Variants in LRRC37A2 observed in about 807,000 individuals in gnomAD.
The protein encoded by LRRC37A2 is leucine rich repeat containing 37 member A2.
Under a neutral mutation model 68.8 loss-of-function variants are expected in LRRC37A2, and 9 were observed. That is an observed-to-expected ratio of 0.13 (90% confidence interval 0.08 to 0.23). LRRC37A2 has a LOEUF of 0.23. Ranked by LOEUF, LRRC37A2 falls within the 10% of genes least tolerant of loss-of-function variation. The probability of loss-of-function intolerance (pLI) is 1.00; values close to 1 mark genes in which losing one functional copy is unlikely to be tolerated. For missense variants in LRRC37A2, 168 were observed against 950.4 expected (o/e 0.18, Z 10.82); for synonymous variants, 63 against 367.6 (o/e 0.17, Z 9.48).
chr17:46,741,381 G>A, the LRRC37A2 span, among the ~76,000 whole-genome samples: 18 of 152,130 alleles, frequency 1.2e-4, no homozygotes, highest in East Asian at 3.9e-4. Flanking sequence ...TCAGTTTCTC[G>A]TTTCATATTC....
chr17:46,933,121 A>G, the LRRC37A2 span: 1 of 152,224 alleles, frequency 6.6e-6, no homozygotes, highest in South Asian at 2.1e-4. Context: ...ACACTAAAAG[A>G]TGTTTGGATT....
chr17:46,851,129 C>T, the LRRC37A2 span, among the ~76,000 whole-genome samples: 1 of 152,176 alleles, frequency 6.6e-6, no homozygotes, highest in African/African-American at 2.4e-5. The surrounding 1 kb of genome is among the most constrained non-coding windows in gnomAD (Gnocchi z 4.3). Context: ...GCGAAGAGAC[C>T]GCACTTGCCC....
chr17:47,026,899 G>A, the LRRC37A2 span, among the ~76,000 whole-genome samples: 1 of 132,456 alleles, frequency 7.5e-6, no homozygotes, highest in Non-Finnish European at 1.6e-5. Flanking sequence ...GTGTAGAAAT[G>A]TGAGACTTTG....
the LRRC37A2 span, among the ~76,000 whole-genome samples, chr17:46,927,208 T>G: frequency 6.6e-6 from 1 of 152,174 alleles, no homozygotes; most frequent in Non-Finnish European, 1.5e-5. Context: ...TGCCCTTTTT[T>G]CATTTAAAAA....
rs1048679047 is a variant in LRRC37A2 at position 46,542,760 on chromosome 17, G to A, written c.3053+1879G>A. Among the ~76,000 whole-genome samples the A allele has an allele frequency of 5.3e-5, 8 of 150,356 alleles. 1 individual carries two copies. Among genetic ancestry groups the A allele is most frequent in the African/African-American group, 1.8e-4 (7 of 39,778 alleles). On this transcript the variant is annotated intron_variant, in intron 8 of 14. Coordinates refer to ENST00000576629, the Ensembl canonical transcript of LRRC37A2. ...ATATGTATGCCTGCGGGGCCCTATT[G>A]TGAGTTTGTTACACAATTTACTGCA...
At chr17:46,681,466 G>T in the LRRC37A2 span, among the ~76,000 whole-genome samples, 1 of 140,094 alleles carries the variant, frequency 7.1e-6, no homozygotes, top group Non-Finnish European at 1.5e-5. Context: ...CTCCCGCTTG[G>T]GCAACAGAAT....
chr17:46,967,897 AG>A, the LRRC37A2 span, among the ~76,000 whole-genome samples: 1 of 152,220 alleles, frequency 6.6e-6, no homozygotes, highest in Admixed American at 6.5e-5. Context: ...GAGCTTAAGC[AG>A]GGAGGTGGCC....
chr17:46,923,203 T>C, the LRRC37A2 span: 10 of 1,549,006 alleles, frequency 6.5e-6, no homozygotes, highest in Non-Finnish European at 8.7e-6. Context: ...ATGGATCCCC[T>C]GTTCCAGCAA....
chr17:46,894,039 C>T, the LRRC37A2 span, among the ~76,000 whole-genome samples: 1 of 152,214 alleles, frequency 6.6e-6, no homozygotes, highest in Non-Finnish European at 1.5e-5. Context: ...CCAGTGAATT[C>T]GCCCCCAAGA....
the LRRC37A2 span, among the ~76,000 whole-genome samples, chr17:46,492,922 C>T: frequency 6.7e-6 from 1 of 149,742 alleles, no homozygotes; most frequent in East Asian, 1.9e-4. Context: ...TCTCGATATC[C>T]TGACCTCGTG....
chr17:46,625,917 G>T, the LRRC37A2 span, among the ~76,000 whole-genome samples: 1 of 135,698 alleles, frequency 7.4e-6, no homozygotes, highest in African/African-American at 3.0e-5. Context: ...TACTGCTGCT[G>T]CATAACAGGA....
At chr17:46,840,522 C>G in the LRRC37A2 span, among the ~76,000 whole-genome samples, 1 of 152,220 alleles carries the variant, frequency 6.6e-6, no homozygotes, top group Non-Finnish European at 1.5e-5. Flanking sequence ...TGTGTACATA[C>G]CCAGTAATGG....
At chr17:46,845,485 A>AT in the LRRC37A2 span, among the ~76,000 whole-genome samples, 9,570 of 121,350 alleles carry the variant, frequency 0.079, 889 homozygotes, top group East Asian at 0.37. Flanking sequence ...AGTTATCTGA[A>AT]TTTTTTTTTT....
chr17:46,915,296 C>T, the LRRC37A2 span, among the ~76,000 whole-genome samples: 3 of 152,172 alleles, frequency 2.0e-5, no homozygotes, highest in Admixed American at 1.3e-4. Flanking sequence ...AGCCCCTACA[C>T]GTGGCCTTTC....
chr17:46,761,700 TAAA>T, the LRRC37A2 span, among the ~76,000 whole-genome samples: 1 of 152,098 alleles, frequency 6.6e-6, no homozygotes, highest in African/African-American at 2.4e-5. Context: ...TCAGGAGAAA[TAAA>T]AAGAAAAAAC....
the LRRC37A2 span, chr17:46,749,696 A>G: frequency 1.5e-6 from 2 of 1,343,820 alleles, no homozygotes; most frequent in Non-Finnish European, 2.0e-6. Context: ...GTCTTTTGCA[A>G]ATTGTGTTCA....
At chr17:46,494,666 C>T in the LRRC37A2 span, among the ~76,000 whole-genome samples, 2 of 151,508 alleles carry the variant, frequency 1.3e-5, no homozygotes, top group African/African-American at 2.4e-5. Flanking sequence ...TTGTTGTGGT[C>T]GTTGTTCCAC....
the LRRC37A2 span, among the ~76,000 whole-genome samples, chr17:46,719,791 C>T: frequency 1.3e-5 from 2 of 152,180 alleles, no homozygotes; most frequent in Non-Finnish European, 2.9e-5. The surrounding 1 kb of genome is among the most constrained non-coding windows in gnomAD (Gnocchi z 4.3). Context: ...ATTACCTAAT[C>T]TTGATGCTTT....
At chr17:46,900,202 T>TACATACATATATATACACACACACAC in the LRRC37A2 span, among the ~76,000 whole-genome samples, 4 of 101,172 alleles carry the variant, frequency 4.0e-5, no homozygotes, top group African/African-American at 2.0e-4. Context: ...TATATATATA[T>TACATACATATATATACACACACACAC]ACACACACAC....
Sources: gnomAD v4.1 joint callset for allele counts (sites outside exome capture counted in the v4.1 genomes callset) on GRCh38, gnomAD v4.1.1 for gene constraint, Gnocchi (gnomAD v3.1) non-coding constraint, MANE v1.5 for transcripts, NCBI Gene and HGNC (gene_info 2026-07-23, HGNC 2026-07-21) for gene names.